RBFOX1: variants seen among roughly 807,000 people sequenced by gnomAD.
RBFOX1 encodes the protein RNA binding protein fox-1 homolog 1.
A neutral mutation model predicts 57.7 loss-of-function variants in RBFOX1; 8 were observed. The ratio of observed to expected loss-of-function variants is 0.14; its 90% CI spans 0.08 to 0.25. RBFOX1 has a LOEUF of 0.25. RBFOX1 is among the 10% of genes least tolerant of loss of function. The pLI, the probability that RBFOX1 is intolerant of heterozygous loss-of-function variation, is 1.00. For missense variants in RBFOX1, 611 were observed against 548.5 expected (o/e 1.11, Z -1.14); for synonymous variants, 326 against 222.4 (o/e 1.47, Z -4.15).
chr16:5,968,146 C>G (rs999778091), intron 4 of RBFOX1, among the ~76,000 whole-genome samples: 5 of 152,142 alleles, frequency 3.3e-5, no homozygotes, highest in Non-Finnish European at 5.9e-5. Flanking sequence ...GCAATCTTGG[C>G]TCACTGCAAC....
At chr16:6,723,493 A>T (rs1013716880) in intron 3 of RBFOX1, among the ~76,000 whole-genome samples, 1 of 152,234 alleles carries the variant, frequency 6.6e-6, no homozygotes, top group Non-Finnish European at 1.5e-5. Flanking sequence ...GGTAGAAAAA[A>T]TAATACAATT....
Position 7,494,686 on chromosome 16 carries a change from A to C in RBFOX1, c.28-23461A>C, listed in dbSNP as rs984746127. 2.0e-5 allele frequency among the ~76,000 whole-genome samples: 3 copies of C among 152,162 alleles called. No homozygotes were observed. The South Asian group carries it at 6.2e-4, about 32-fold the overall frequency. ...CTCAAAAAGGTCATGATACTTACTC[A>C]AAGCCATATACCTGGTAAGAGGCAA... is the stretch of plus-strand genomic sequence containing the variant. On this transcript the variant is annotated intron_variant, in intron 4 of 15. Transcript: ENST00000550418.
chr16:6,661,235 G>C (rs778415284), intron 3 of RBFOX1, among the ~76,000 whole-genome samples: 1 of 152,168 alleles, frequency 6.6e-6, no homozygotes, highest in Non-Finnish European at 1.5e-5. Context: ...TACAAGACTT[G>C]AGTGTTGAAA....
Position 6,386,040 on chromosome 16 carries a change from A to G in RBFOX1, c.-64+68983A>G, listed in dbSNP as rs556364170. On this transcript the variant is annotated intron_variant, in intron 2 of 15. Transcript: ENST00000550418. Reference sequence around the variant, plus strand: ...AAGCTCCGCCTCCCGGGTTCACACCATTCTCCTGCCTCAGCCTCCCCAGTA... The same window carrying G: ...AAGCTCCGCCTCCCGGGTTCACACCGTTCTCCTGCCTCAGCCTCCCCAGTA... Among the ~76,000 whole-genome samples, 6 of 149,960 alleles carry G rather than the reference A, an allele frequency of 4.0e-5. No homozygotes were observed. In the East Asian group the frequency reaches 9.9e-4, roughly 25 times the overall value.
intron 1 of RBFOX1, among the ~76,000 whole-genome samples, chr16:6,183,486 T>TTAAATAAATAAATAAATAAA (rs71142688): frequency 6.4e-5 from 9 of 140,864 alleles, no homozygotes; most frequent in African/African-American, 1.0e-4. Context: ...TCTAAAAAAA[T>TTAAATAAATAAATAAATAAA]TAAATAAATA....
chr16:7,635,891 A>T (rs568769652), intron 11 of RBFOX1, among the ~76,000 whole-genome samples: 3 of 151,986 alleles, frequency 2.0e-5, no homozygotes, highest in Non-Finnish European at 2.9e-5. Context: ...GCTCACTGCA[A>T]ACTCCACCTC....
intron 4 of RBFOX1, among the ~76,000 whole-genome samples, chr16:5,990,726 A>G (rs958948718): frequency 6.6e-6 from 1 of 152,204 alleles, no homozygotes; most frequent in African/African-American, 2.4e-5. Context: ...GCAACACTTC[A>G]GAAGGCTGAG....
chr16:7,698,614 G>T (rs188200046), intron 14 of RBFOX1, among the ~76,000 whole-genome samples: 4 of 152,218 alleles, frequency 2.6e-5, no homozygotes, highest in African/African-American at 9.6e-5. Flanking sequence ...TCCTCTAACT[G>T]ATCCTTCAGC....
chr16:6,294,618 T>G (rs2077863965), intron 1 of RBFOX1, among the ~76,000 whole-genome samples: 1 of 152,180 alleles, frequency 6.6e-6, no homozygotes, highest in Non-Finnish European at 1.5e-5. Flanking sequence ...TGCTGAGCCC[T>G]CTGTGAGATC....
chr16:6,604,146 G>T, intron 2 of RBFOX1, among the ~76,000 whole-genome samples: 1 of 151,482 alleles, frequency 6.6e-6, no homozygotes, highest in East Asian at 1.9e-4. Flanking sequence ...GCATCCCCTC[G>T]CCTTGGCAGT....
intron 4 of RBFOX1, among the ~76,000 whole-genome samples, chr16:7,106,239 A>G (rs1014220444): frequency 3.9e-5 from 6 of 152,108 alleles, no homozygotes; most frequent in Non-Finnish European, 8.8e-5. Context: ...GTGTGCATGA[A>G]TGTGTGCATG....
intron 4 of RBFOX1, among the ~76,000 whole-genome samples, chr16:7,401,638 GA>G (rs1431344271): frequency 6.6e-6 from 1 of 152,184 alleles, no homozygotes; most frequent in African/African-American, 2.4e-5. Context: ...TAGCTTCTTT[GA>G]ACCCACTTTT....
At chr16:7,009,252 C>G (rs553441357) in intron 3 of RBFOX1, among the ~76,000 whole-genome samples, 1 of 118,612 alleles carries the variant, frequency 8.4e-6, no homozygotes, top group East Asian at 2.0e-4. Flanking sequence ...TACTTCCTCT[C>G]CTTCCTCTCC....
intron 3 of RBFOX1, among the ~76,000 whole-genome samples, chr16:6,939,319 A>G (rs963705847): frequency 1.3e-5 from 2 of 152,038 alleles, no homozygotes; most frequent in African/African-American, 4.8e-5. Flanking sequence ...ATAACAATAA[A>G]TTACCTAGAG....
chr16:7,033,716 G>A (rs755826468), intron 3 of RBFOX1, among the ~76,000 whole-genome samples: 5 of 152,182 alleles, frequency 3.3e-5, no homozygotes, highest in South Asian at 2.1e-4. Context: ...CATTTTGTCC[G>A]GGCGTGGCGA....
At chr16:7,474,803 G>T (rs553865143) in intron 4 of RBFOX1, among the ~76,000 whole-genome samples, 27 of 152,288 alleles carry the variant, frequency 1.8e-4, no homozygotes, top group African/African-American at 6.5e-4. Flanking sequence ...CGTTCACCAT[G>T]AGGGTTCTAA....
intron 9 of RBFOX1, among the ~76,000 whole-genome samples, chr16:7,606,160 C>T (rs1056965755): frequency 1.5e-4 from 20 of 137,750 alleles, no homozygotes; most frequent in African/African-American, 4.8e-4. Context: ...CTCACACTGT[C>T]ACCTGGGCTG....
intron 2 of RBFOX1, among the ~76,000 whole-genome samples, chr16:6,579,255 G>C (rs2097496574): frequency 6.6e-6 from 1 of 152,116 alleles, no homozygotes; most frequent in African/African-American, 2.4e-5. Context: ...CCAGGCTGGA[G>C]TGTAGTGGTT....
intron 4 of RBFOX1, among the ~76,000 whole-genome samples, chr16:5,986,815 G>A (rs1596349121): frequency 6.6e-6 from 1 of 152,190 alleles, no homozygotes; most frequent in South Asian, 2.1e-4. Flanking sequence ...GGTACTGTGA[G>A]TGAAGTTGCT....
Sources: allele counts gnomAD v4.1 joint callset (sites outside exome capture counted in the v4.1 genomes callset), GRCh38; gene constraint gnomAD v4.1.1; transcripts MANE v1.5; gene names NCBI Gene and HGNC (gene_info 2026-07-23, HGNC 2026-07-21).